The following CFAP54 variants were observed in gnomAD, a reference collection of about 807,000 sequenced individuals.
CFAP54 encodes the protein cilia and flagella associated protein 54, also known as cilia- and flagella-associated protein 54.
In CFAP54, 290 loss-of-function variants were observed where a neutral mutation model predicts 370.4. That is an observed-to-expected ratio of 0.78 (90% CI 0.71 to 0.86). The LOEUF is 0.86. Among genes scored for constraint, CFAP54 ranks in the 40% least tolerant of loss-of-function variants. The probability of loss-of-function intolerance (pLI) is 0.00; values close to 1 mark genes in which losing one functional copy is unlikely to be tolerated. For synonymous variants in CFAP54, 1,206 were observed against 1,236.5 expected (o/e 0.98, Z 0.52); for missense variants, 3,399 against 3,528.7 (o/e 0.96, Z 0.93).
chr12:96,682,895 T>C (rs551613525), intron 40 of CFAP54, among the ~76,000 whole-genome samples: 37 of 152,352 alleles, frequency 2.4e-4, no homozygotes, highest in Middle Eastern at 3.4e-3. Flanking sequence ...CCCTCTTTCA[T>C]TGGAGCTGTG....
chr12:96,603,449 T>C (rs569876623), intron 26 of CFAP54, among the ~76,000 whole-genome samples: 1 of 152,298 alleles, frequency 6.6e-6, no homozygotes, highest in African/African-American at 2.4e-5. Context: ...GTTGCTCTTC[T>C]TGAGGAGTAT....
In CFAP54 at chr12:96,719,761, G is replaced by A. The variant is rs142401394; in HGVS notation, c.6805-644G>A. Among the ~76,000 whole-genome samples the A allele has an allele frequency of 2.6e-3, 393 of 152,214 alleles. 1 individual carries two copies. Among genetic ancestry groups the A allele is most frequent in the African/African-American group, 8.8e-3 (364 of 41,526 alleles). On this transcript the variant is annotated intron_variant, in intron 49 of 67. Transcript: ENST00000524981. Reference sequence around the variant, plus strand: ...TACTGTAAACAAGTGTCCTTTTCACGGTCTATTTAGTACCATGCTTTTTGA... The same window carrying A: ...TACTGTAAACAAGTGTCCTTTTCACAGTCTATTTAGTACCATGCTTTTTGA...
In CFAP54 at chr12:96,814,148, G is replaced by C. The variant is rs80037370; in HGVS notation, c.8957+2306G>C. The stretch of plus-strand genomic sequence containing the variant: ...TACAATCTGAAACCCAAATGTCAAA[G>C]AACGGTTTATCCTTCCTAGAATCCC... On this transcript the variant is annotated intron_variant, in intron 64 of 67. Transcript: ENST00000524981. Among the ~76,000 whole-genome samples the C allele has an allele frequency of 9.5e-3, 1,443 of 152,308 alleles. 54 individuals carry two copies. In the East Asian group the frequency reaches 0.1, roughly 11 times the overall value.
At chr12:96,798,681 G>T (rs1255156435) in intron 63 of CFAP54, among the ~76,000 whole-genome samples, 1 of 152,026 alleles carries the variant, frequency 6.6e-6, no homozygotes, top group Non-Finnish European at 1.5e-5. Flanking sequence ...CTGCATCAAG[G>T]TTACCCTCAT....
At chr12:96,647,500 A>C (rs113262582) in intron 33 of CFAP54, among the ~76,000 whole-genome samples, 10,894 of 144,770 alleles carry the variant, frequency 0.075, 814 homozygotes, top group East Asian at 0.38. Context: ...AAAAAAAGAA[A>C]TGCCATTGAT....
At chr12:96,573,773 A>G (rs1041504215) in intron 19 of CFAP54, among the ~76,000 whole-genome samples, 4 of 152,214 alleles carry the variant, frequency 2.6e-5, no homozygotes, top group African/African-American at 9.6e-5. Flanking sequence ...TCATATGTGT[A>G]TATAAATTAG....
intron 62 of CFAP54, among the ~76,000 whole-genome samples, chr12:96,790,461 T>C (rs755639162): frequency 3.6e-4 from 55 of 152,210 alleles, no homozygotes; most frequent in Non-Finnish European, 7.2e-4. Flanking sequence ...ATACCTATTT[T>C]GATATTGACT....
chr12:96,741,644 T>G (rs1541592), intron 51 of CFAP54, among the ~76,000 whole-genome samples: 130,975 of 152,060 alleles, frequency 0.86, 56,818 homozygotes, highest in African/African-American at 0.96. Flanking sequence ...AATGACAGTT[T>G]TTCTAAATGA....
chr12:96,782,240 C>T (rs183679500), intron 60 of CFAP54, among the ~76,000 whole-genome samples: 1 of 152,042 alleles, frequency 6.6e-6, no homozygotes, highest in Admixed American at 6.6e-5. Context: ...TATTCAGATG[C>T]CAAAACTATT....
chr12:96,824,135 A>AG (rs1370890506), intron 65 of CFAP54, among the ~76,000 whole-genome samples: 2 of 152,146 alleles, frequency 1.3e-5, no homozygotes, highest in Non-Finnish European at 2.9e-5. Flanking sequence ...GCCCCTCGCT[A>AG]GCTGCAGCAT....
chr12:96,594,444 C>G lies in CFAP54; in HGVS notation c.3514C>G (p.Gln1172Glu). The change falls in exon 25 of 68, where the codon CAG becomes GAG. Residue 1172 changes from glutamine to glutamate, a missense_variant and splice_region_variant. Gln to Glu is a conservative substitution (Grantham distance 29). Around this residue, in one of 3 missense-constraint regions of CFAP54, gnomAD observed 2,796 missense variants for 2,869.7 expected, o/e 0.97. Coordinates refer to ENST00000524981, the MANE Select transcript of CFAP54 (RefSeq NM_001306084.2). The stretch of plus-strand genomic sequence containing the variant: ...CAATATTGTTTTGGTACCTGTTGTA[C>G]AGGTAAGGGTATTCCTCTCCCCAAG... Reference protein sequence around the residue: ...YHNIVLVPVVQILIKCIVVLQ... With the variant: ...YHNIVLVPVVEILIKCIVVLQ... The G allele has an allele frequency of 6.6e-7, 1 of 1,524,074 alleles. No individual in the cohort carries two copies. Among genetic ancestry groups the G allele is most frequent in the Non-Finnish European group, 8.8e-7 (1 of 1,138,258 alleles). 94.4% of individuals were successfully genotyped at this position (1,524,074 alleles called of 1,614,324 possible).
intron 27 of CFAP54, among the ~76,000 whole-genome samples, chr12:96,622,240 C>G (rs939641235): frequency 6.6e-6 from 1 of 152,092 alleles, no homozygotes; most frequent in Non-Finnish European, 1.5e-5. Context: ...CTTACAAGAA[C>G]TTATGCTTAT....
Position 96,756,512 on chromosome 12 carries a change from A to C in CFAP54, c.7895A>C (p.Glu2632Ala), listed in dbSNP as rs987108350. 1.2e-6 allele frequency: 2 copies of C among 1,604,792 alleles called. No individual in the cohort carries two copies. The highest frequency in any genetic ancestry group is 1.3e-5 in the African/African-American group (1 of 74,304). Residue 2632 changes from glutamate (E) to alanine (A), a missense_variant, in exon 57 of 68, where the codon GAG becomes GCG. This residue lies in a region of CFAP54 where 2,796 missense variants were observed against 2,869.7 expected (regional missense o/e 0.97). Transcript: ENST00000524981. Reference protein sequence around the residue: ...MEEKSPSFQLESLYEAIQLSL... With the variant: ...MEEKSPSFQLASLYEAIQLSL... ...GAGAAATCTCCAAGTTTTCAACTTG[A>C]GAGTTTATATGAAGCTATACAACTA...
chr12:96,532,672 G>A (rs137888182), intron 9 of CFAP54, among the ~76,000 whole-genome samples: 1 of 152,158 alleles, frequency 6.6e-6, no homozygotes, highest in East Asian at 1.9e-4. Context: ...CCAGGCTGGA[G>A]TGCAATGGTG....
chr12:96,545,601 G>A (rs1955631982), intron 14 of CFAP54, among the ~76,000 whole-genome samples: 2 of 152,296 alleles, frequency 1.3e-5, no homozygotes, highest in Non-Finnish European at 1.5e-5. Flanking sequence ...CATGTGAGGA[G>A]AGCCTCCGTG....
At chr12:96,501,361 A>C (rs1237144624) in intron 2 of CFAP54, among the ~76,000 whole-genome samples, 1 of 152,202 alleles carries the variant, frequency 6.6e-6, no homozygotes, top group African/African-American at 2.4e-5. Context: ...TGCTTGCTTC[A>C]GTGCCCTGTT....
intron 36 of CFAP54, among the ~76,000 whole-genome samples, chr12:96,652,890 T>A (rs1339516734): frequency 6.6e-6 from 1 of 152,194 alleles, no homozygotes; most frequent in Non-Finnish European, 1.5e-5. Flanking sequence ...TTATGAGAGA[T>A]AAAGAGGGAC....
rs561920132 is a variant in CFAP54 at position 96,614,115 on chromosome 12, T to C, written c.3640-7475T>C. Among the ~76,000 whole-genome samples, 230 of 152,292 alleles carry C rather than the reference T, an allele frequency of 1.5e-3. 1 individual carries two copies. The highest frequency in any genetic ancestry group is 5.3e-3 in the African/African-American group (222 of 41,544). ...TGAACATCGATGTGAAAATCCTCAA[T>C]AAAATGCTGGCAAACGGAATCCAGC... is the stretch of plus-strand genomic sequence containing the variant. On this transcript the variant is annotated intron_variant, in intron 26 of 67. Transcript: ENST00000524981.
intron 48 of CFAP54, among the ~76,000 whole-genome samples, chr12:96,713,150 G>T (rs1957633654): frequency 6.6e-6 from 1 of 152,086 alleles, no homozygotes; most frequent in African/African-American, 2.4e-5. Flanking sequence ...AAAACTGAAA[G>T]TAGAGCTACT....
Sources: gnomAD v4.1 joint callset for allele counts (sites outside exome capture counted in the v4.1 genomes callset) on GRCh38, gnomAD v4.1.1 for gene constraint, gnomAD v4.1.1 regional missense constraint, MANE v1.5 for transcripts, NCBI Gene and HGNC (gene_info 2026-07-23, HGNC 2026-07-21) for gene names.